Variants in TTLL1 observed in about 807,000 individuals in gnomAD.
The protein encoded by TTLL1 is TTL family tubulin polyglutamylase complex subunit L1.
TTLL1 carries 33 observed loss-of-function variants against 47.8 expected under a neutral mutation model. The ratio of observed to expected loss-of-function variants is 0.69; its 90% CI spans 0.52 to 0.92. The LOEUF is 0.92. Ranked by LOEUF, TTLL1 falls within the 40% of genes least tolerant of loss-of-function variation. The pLI, the probability that TTLL1 is intolerant of heterozygous loss-of-function variation, is 0.00. For missense variants in TTLL1, 488 were observed against 547.5 expected, an observed-to-expected ratio of 0.89 and a Z score of 1.08; for synonymous variants, 225 against 214.1, an observed-to-expected ratio of 1.05 and a Z score of -0.45.
chr22:43,071,630 A>T (rs1203223342), intron 3 of TTLL1, among the ~76,000 whole-genome samples: 2 of 152,112 alleles, frequency 1.3e-5, no homozygotes, highest in African/African-American at 4.8e-5. Context: ...GGCTGGTCTC[A>T]AACTCCTGAC....
chr22:43,064,944 G>A (rs1173683344), intron 5 of TTLL1, among the ~76,000 whole-genome samples: 5 of 151,802 alleles, frequency 3.3e-5, no homozygotes, highest in East Asian at 3.9e-4. Context: ...TCAGGAGTTC[G>A]AGACCAGCCT....
chr22:43,064,421 A>T lies in TTLL1; in HGVS notation c.504-97T>A, dbSNP rs897556280. Reference sequence around the variant, plus strand: ...ATAACTGATAAGCCGGACTTCATTAAAATTAAAAAATTAAAGAGTTTTGGC... The same window carrying T: ...ATAACTGATAAGCCGGACTTCATTATAATTAAAAAATTAAAGAGTTTTGGC... On this transcript the variant is annotated intron_variant, in intron 5 of 10. Transcript: ENST00000266254. 5.7e-6 allele frequency: 8 copies of T among 1,395,908 alleles called. No homozygotes were observed. In the African/African-American group the frequency reaches 8.8e-5, roughly 15 times the overall value. 86.5% of individuals were successfully genotyped at this position (1,395,908 alleles called of 1,614,324 possible).
chr22:43,049,257 C>T (rs1399046033), intron 9 of TTLL1, among the ~76,000 whole-genome samples: 1 of 152,090 alleles, frequency 6.6e-6, no homozygotes, highest in Non-Finnish European at 1.5e-5. Flanking sequence ...GGCATGGTGG[C>T]TCATGCCTGT....
chr22:43,058,985 G>A (rs1210923640), intron 8 of TTLL1, among the ~76,000 whole-genome samples: 3 of 149,532 alleles, frequency 2.0e-5, no homozygotes, highest in African/African-American at 7.4e-5. Flanking sequence ...TAACCAACGC[G>A]CCCAGCCTGT....
chr22:43,072,144 TTTTC>T (rs1175427305), intron 3 of TTLL1, among the ~76,000 whole-genome samples: 5 of 142,928 alleles, frequency 3.5e-5, no homozygotes, highest in African/African-American at 5.3e-5. Context: ...ACCATCTTTA[TTTTC>T]TTTTTCTTTT....
At chr22:43,074,579 G>A (rs1352570626) in intron 3 of TTLL1, among the ~76,000 whole-genome samples, 6 of 152,008 alleles carry the variant, frequency 3.9e-5, no homozygotes, top group African/African-American at 1.2e-4. Context: ...AGTGGCTCAC[G>A]CCTGTAATCC....
chr22:43,083,987 T>C (rs1215783416), intron 1 of TTLL1, among the ~76,000 whole-genome samples: 1 of 152,216 alleles, frequency 6.6e-6, no homozygotes, highest in East Asian at 1.9e-4. Flanking sequence ...TTCCTTGACA[T>C]TATTTACTAA....
chr22:43,082,526 A>C (rs1258704150), intron 1 of TTLL1, among the ~76,000 whole-genome samples: 1 of 148,076 alleles, frequency 6.8e-6, no homozygotes, highest in Non-Finnish European at 1.5e-5. Flanking sequence ...GACCAGCCTG[A>C]CCAACATGGT....
At chr22:43,047,624 A>G (rs1926244322) in intron 9 of TTLL1, among the ~76,000 whole-genome samples, 1 of 152,016 alleles carries the variant, frequency 6.6e-6, no homozygotes, top group Non-Finnish European at 1.5e-5. Flanking sequence ...ATGCACCACC[A>G]CGCCTGGCTA....
rs1360502971 is a variant in TTLL1 at position 43,069,663 on chromosome 22, C to T, written c.295G>A (p.Asp99Asn). The T allele has an allele frequency of 8.7e-6, 14 of 1,614,060 alleles. No individual in the cohort carries two copies. Among genetic ancestry groups the T allele is most frequent in the Non-Finnish European group, 1.2e-5 (14 of 1,180,050 alleles). ...EKEGSPLAEK[D>N]ENGKYLYLDF... ...AGATAGAGGTATTTTCCATTTTCAT[C>T]TTTTTCTGCCAGAGGACTCCCTTCT... Residue 99 changes from aspartate to asparagine, a missense_variant, in exon 4 of 11, where the codon GAT becomes AAT. Physicochemically the swap from Asp to Asn is conservative, Grantham distance 23. Coordinates refer to ENST00000266254, the MANE Select transcript of TTLL1 (RefSeq NM_012263.5).
chr22:43,073,810 C>T (rs1276918247), intron 3 of TTLL1, among the ~76,000 whole-genome samples: 1 of 150,910 alleles, frequency 6.6e-6, no homozygotes, highest in Non-Finnish European at 1.5e-5. Context: ...AGAAGCTCTT[C>T]TTTTTTATTT....
chr22:43,080,182 G>A (rs1024127335), intron 1 of TTLL1, among the ~76,000 whole-genome samples, 196 bp from the exon 2 acceptor site: 3 of 152,100 alleles, frequency 2.0e-5, no homozygotes, highest in African/African-American at 7.2e-5. Flanking sequence ...AGCCTCCTAA[G>A]TAGCTGCAAC....
chr22:43,049,603 A>C (rs948151676), intron 9 of TTLL1, among the ~76,000 whole-genome samples: 82 of 89,518 alleles, frequency 9.2e-4, no homozygotes, highest in African/African-American at 2.5e-3. Flanking sequence ...CATCTCCACA[A>C]AAAAAAAAAA....
chr22:43,075,265 C>G (rs116463094), intron 3 of TTLL1, among the ~76,000 whole-genome samples: 1 of 151,298 alleles, frequency 6.6e-6, no homozygotes, highest in Non-Finnish European at 1.5e-5. Flanking sequence ...TGAAACACCC[C>G]GGACTTCATA....
In TTLL1 at chr22:43,063,813, C is replaced by T. The variant is rs541914614; in HGVS notation, c.747G>A (p.Gly249=). 1.2e-6 allele frequency: 2 copies of T among 1,613,564 alleles called. No homozygotes were observed. Among genetic ancestry groups the T allele is most frequent in the East Asian group, 2.2e-5 (1 of 44,880 alleles). The change falls in exon 7 of 11, where the codon GGG becomes GGA. Residue 249 remains glycine (G), a splice_region_variant and synonymous_variant. Transcript: ENST00000266254. ...AGCACAAATGAAAGGACACACTCACCCCGTGTTTCTGGATGGCGACGTTGG... is the reference window on the plus strand; with the variant it reads ...AGCACAAATGAAAGGACACACTCACTCCGTGTTTCTGGATGGCGACGTTGG... ...HLTNVAIQKH[G]EDYNHIHGGK...
chr22:43,069,956 C>T (rs1261563217), intron 3 of TTLL1, 112 bp from the exon 4 acceptor site: 7 of 1,465,156 alleles, frequency 4.8e-6, no homozygotes, highest in African/African-American at 4.2e-5. Flanking sequence ...CCACTACTCC[C>T]ACATCCCCTG....
At chr22:43,081,634 C>G (rs1229053940) in intron 1 of TTLL1, among the ~76,000 whole-genome samples, 1 of 152,056 alleles carries the variant, frequency 6.6e-6, no homozygotes, top group Non-Finnish European at 1.5e-5. Flanking sequence ...ACTGCAACCT[C>G]CGCCTCCTGG....
intron 7 of TTLL1, among the ~76,000 whole-genome samples, chr22:43,060,759 T>C (rs1015449361): frequency 1.3e-5 from 2 of 152,128 alleles, no homozygotes; most frequent in Admixed American, 6.6e-5. Context: ...AGCTAGAAAA[T>C]ACCCAAATGT....
chr22:43,076,395 G>A (rs1367542511), intron 2 of TTLL1, among the ~76,000 whole-genome samples: 2 of 152,112 alleles, frequency 1.3e-5, no homozygotes, highest in South Asian at 2.1e-4. Flanking sequence ...GGCAGAGGTT[G>A]TAGTGAGCTG....
Sources: allele counts gnomAD v4.1 joint callset (sites outside exome capture counted in the v4.1 genomes callset), GRCh38; gene constraint gnomAD v4.1.1; transcripts MANE v1.5; gene names NCBI Gene and HGNC (gene_info 2026-07-23, HGNC 2026-07-21).